The following FRAS1 variants were observed in gnomAD, a reference collection of about 807,000 sequenced individuals.
FRAS1 encodes extracellular matrix organizing protein FRAS1.
Under a neutral mutation model 435.2 loss-of-function variants are expected in FRAS1, and 290 were observed. The observed-to-expected ratio is 0.67, with a 90% CI of 0.61 to 0.73. The LOEUF (loss-of-function observed/expected upper bound fraction) is 0.73. Among genes scored for constraint, FRAS1 ranks in the 30% least tolerant of loss-of-function variants. The probability of loss-of-function intolerance (pLI) is 0.00; values close to 1 mark genes in which losing one functional copy is unlikely to be tolerated. For missense variants in FRAS1, 4,860 were observed against 5,001.5 expected, an observed-to-expected ratio of 0.97 and a Z score of 0.85; for synonymous variants, 1,800 against 1,851.0, an observed-to-expected ratio of 0.97 and a Z score of 0.71.
chr4:78,400,667 A>G, intron 29 of FRAS1, 67 bp from the exon 30 acceptor site: 1 of 1,459,018 alleles, frequency 6.9e-7, no homozygotes, highest in South Asian at 1.3e-5. Context: ...TGGATAACTT[A>G]TGTGTTTAAG....
chr4:78,475,542 C>T lies in FRAS1; in HGVS notation c.7787C>T (p.Ala2596Val). Residue 2596 changes from alanine (A) to valine (V), a missense_variant, in exon 54 of 74, where the codon GCC (alanine) becomes GTC (valine). Coordinates refer to ENST00000512123, the MANE Select transcript of FRAS1 (RefSeq NM_025074.7). The part of the protein sequence containing the change: ...IVLCRTEQGT[A>V]SSSSRVSSQP... ...CTGTGTCGCACCGAGCAAGGCACCG[C>T]CAGCTCCAGCTCCAGGGTCAGCTCC... The T allele has an allele frequency of 3.7e-6, 6 of 1,613,658 alleles. No homozygotes were observed. Among genetic ancestry groups the T allele is most frequent in the Non-Finnish European group, 5.1e-6 (6 of 1,179,672 alleles).
chr4:78,520,499 G>A (rs915325550), intron 67 of FRAS1, among the ~76,000 whole-genome samples: 4 of 151,916 alleles, frequency 2.6e-5, no homozygotes, highest in Admixed American at 6.6e-5. Flanking sequence ...TTGGTTCCAG[G>A]ACCTCCCACA....
Position 78,117,231 on chromosome 4 carries a change from G to T in FRAS1, c.108+51215G>T, listed in dbSNP as rs1028459209. 2.8e-4 allele frequency among the ~76,000 whole-genome samples: 42 copies of T among 152,318 alleles called. No individual in the cohort carries two copies. The South Asian group carries it at 5.8e-3, about 21-fold the overall frequency. ...TGGTCTGATGGGCTTCCCTTTGTGG[G>T]TAACCTGACCTTTCTCTCTGGCTGC... On this transcript the variant is annotated intron_variant, in intron 2 of 73. Transcript: ENST00000512123.
At chr4:78,275,943 T>C (rs1726997073) in intron 9 of FRAS1, among the ~76,000 whole-genome samples, 1 of 152,228 alleles carries the variant, frequency 6.6e-6, no homozygotes, top group Non-Finnish European at 1.5e-5. Flanking sequence ...CCGTCACTTT[T>C]AGGTACACCA....
At position 78,171,621 on chromosome 4, in the gene FRAS1, C is replaced by T. The variant is rs1012540600; in HGVS notation, c.109-65889C>T. ...ACTCCCTTTGTAGCTTCTCTTACCA[C>T]TCTTTCCATGGCTGGGGCCGCCACC... On this transcript the variant is annotated intron_variant, in intron 2 of 73. Coordinates refer to ENST00000512123, the MANE Select transcript of FRAS1 (RefSeq NM_025074.7). Among the ~76,000 whole-genome samples the T allele has an allele frequency of 4.6e-5, 7 of 152,160 alleles. 1 individual carries two copies. In the South Asian group the frequency reaches 8.3e-4, roughly 18 times the overall value.
At position 78,220,466 on chromosome 4, in the gene FRAS1, C is replaced by A. The variant is rs149983080; in HGVS notation, c.109-17044C>A. Among the ~76,000 whole-genome samples, 680 of 152,250 alleles carry A rather than the reference C, an allele frequency of 4.5e-3. 5 individuals carry two copies. Among genetic ancestry groups the A allele is most frequent in the African/African-American group, 0.015 (640 of 41,546 alleles). The stretch of plus-strand genomic sequence containing the variant: ...TTGAGTTTACATAGTTGAGTAGTTA[C>A]AAGAGACCAAATGGCCCACAATGTC... On this transcript the variant is annotated intron_variant, in intron 2 of 73. Coordinates refer to ENST00000512123, the MANE Select transcript of FRAS1 (RefSeq NM_025074.7).
chr4:78,062,669 G>T (rs1028557332), intron 1 of FRAS1, among the ~76,000 whole-genome samples: 2 of 151,938 alleles, frequency 1.3e-5, no homozygotes, highest in Non-Finnish European at 2.9e-5. Context: ...TCTCATAAAG[G>T]CGTATATTAT....
chr4:78,475,906 C>T (rs1408880051), intron 54 of FRAS1, among the ~76,000 whole-genome samples: 1 of 152,176 alleles, frequency 6.6e-6, no homozygotes, highest in Non-Finnish European at 1.5e-5. Context: ...TTTGGTATCC[C>T]AACCGTTCTT....
In FRAS1 at chr4:78,543,699, G is replaced by A. The variant is rs1272642704; in HGVS notation, c.*2575G>A. The A allele has an allele frequency of 6.6e-6, 1 of 152,220 alleles. No individual in the cohort carries two copies. Among genetic ancestry groups the A allele is most frequent in the East Asian group, 1.9e-4 (1 of 5,196 alleles). 9.4% of individuals were successfully genotyped at this position (152,220 alleles called of 1,614,324 possible). Reference sequence around the variant, plus strand: ...TGGAGATGAGATATACCCCTTTGATGTAGAATTATTCATTTGGTTTGTTTC... The same window carrying A: ...TGGAGATGAGATATACCCCTTTGATATAGAATTATTCATTTGGTTTGTTTC... On this transcript the variant is annotated 3_prime_UTR_variant, in exon 74 of 74. Transcript: ENST00000512123.
At chr4:78,534,257 T>G (rs1681992762) in intron 70 of FRAS1, among the ~76,000 whole-genome samples, 192 bp from the exon 71 acceptor site, 2 of 152,188 alleles carry the variant, frequency 1.3e-5, no homozygotes, top group African/African-American at 4.8e-5. Context: ...GACTAATTAT[T>G]TCTGTTCAAA....
chr4:78,087,099 G>C (rs1000300420), intron 2 of FRAS1, among the ~76,000 whole-genome samples: 3 of 152,128 alleles, frequency 2.0e-5, no homozygotes, highest in African/African-American at 7.2e-5. Context: ...CTTCATCCCT[G>C]GGATGCAAGG....
rs984508879 is a variant in FRAS1, at chr4:78,063,849, A to G, written c.77-2136A>G. Among the ~76,000 whole-genome samples, 5 of 152,256 alleles carry G rather than the reference A, an allele frequency of 3.3e-5. No homozygotes were observed. The East Asian group carries it at 9.6e-4, about 29-fold the overall frequency. ...ATTAAATTTTGTTTGTGTTTTTTCT[A>G]AAAGTTAAGTTTTGTTTAATCTAAA... On this transcript the variant is annotated intron_variant, in intron 1 of 73. Coordinates refer to ENST00000512123, the MANE Select transcript of FRAS1 (RefSeq NM_025074.7).
intron 35 of FRAS1, 128 bp downstream of exon 35, chr4:78,424,548 CT>C (rs1325811885): frequency 4.3e-6 from 2 of 464,772 alleles, no homozygotes; most frequent in Non-Finnish European, 7.5e-6. Context: ...TATAATTTTT[CT>C]TCTAAAACAA....
intron 2 of FRAS1, among the ~76,000 whole-genome samples, chr4:78,111,621 AG>A (rs1427644641): frequency 9.7e-6 from 1 of 102,964 alleles, no homozygotes; most frequent in African/African-American, 3.8e-5. Flanking sequence ...GGGAGGGGGG[AG>A]GGATAGCATT....
intron 2 of FRAS1, among the ~76,000 whole-genome samples, chr4:78,215,201 ATT>A (rs1213945733): frequency 6.6e-6 from 1 of 151,668 alleles, no homozygotes; most frequent in African/African-American, 2.4e-5. Context: ...TATTATTATT[ATT>A]ATTATTATTT....
intron 2 of FRAS1, among the ~76,000 whole-genome samples, chr4:78,208,207 GCTCGTGT>G (rs975605982): frequency 2.6e-4 from 39 of 152,302 alleles, no homozygotes; most frequent in African/African-American, 9.1e-4. Context: ...AATCACTACA[GCTCGTGT>G]CTCAGGAAGC....
chr4:78,365,495 A>G (rs749496189), intron 22 of FRAS1, among the ~76,000 whole-genome samples: 2 of 152,164 alleles, frequency 1.3e-5, no homozygotes, highest in Non-Finnish European at 2.9e-5. Context: ...AAGAAAAAAT[A>G]GAATCCATTG....
intron 20 of FRAS1, among the ~76,000 whole-genome samples, chr4:78,361,667 C>T (rs1172949893): frequency 6.6e-6 from 1 of 152,120 alleles, no homozygotes; most frequent in Non-Finnish European, 1.5e-5. Flanking sequence ...CAGAGAAAGA[C>T]CTGTTTTTAA....
Position 78,286,484 on chromosome 4 carries a change from G to T in FRAS1, c.1479G>T (p.Gly493=). The part of the protein sequence containing the change: ...SCQPPLLMRH[G]QCVPTCGDGF... ...AGCCTCCCCTGCTGATGCGGCACGG[G>T]CAGTGTGTGCCTACCTGTGGGGACG... The change falls in exon 14 of 74, where the codon GGG becomes GGT. Residue 493 remains glycine, a synonymous_variant. Transcript: ENST00000512123. The T allele has an allele frequency of 6.2e-7, 1 of 1,613,634 alleles. No individual in the cohort carries two copies. Among genetic ancestry groups the T allele is most frequent in the Non-Finnish European group, 8.5e-7 (1 of 1,179,884 alleles).
Sources: gnomAD v4.1 joint callset for allele counts (sites outside exome capture counted in the v4.1 genomes callset) on GRCh38, gnomAD v4.1.1 for gene constraint, MANE v1.5 for transcripts, NCBI Gene and HGNC (gene_info 2026-07-23, HGNC 2026-07-21) for gene names.